CDC42EP1: variants seen among roughly 807,000 people sequenced by gnomAD.
CDC42EP1 encodes the protein CDC42 effector protein 1.
Under a neutral mutation model 7.4 loss-of-function variants are expected in CDC42EP1, and 6 were observed. That is an observed-to-expected ratio of 0.81 (90% CI 0.44 to 1.60). CDC42EP1 has a LOEUF of 1.60. CDC42EP1 is among the 40% of genes most tolerant of loss of function. The pLI is 0.01. For synonymous variants in CDC42EP1, 238 were observed against 227.1 expected (o/e 1.05, Z -0.43); for missense variants, 567 against 539.0 (o/e 1.05, Z -0.51).
At chr22:37,562,383 T>C (rs1413333200) in intron 1 of CDC42EP1, among the ~76,000 whole-genome samples, 3 of 152,200 alleles carry the variant, frequency 2.0e-5, no homozygotes, top group Non-Finnish European at 2.9e-5. Context: ...GCACACCTGA[T>C]GGCCAGCAGT....
intron 2 of CDC42EP1, 62 bp from the exon 3 acceptor site, chr22:37,568,046 T>C: frequency 7.0e-7 from 1 of 1,426,156 alleles, no homozygotes; most frequent in South Asian, 1.3e-5. Flanking sequence ...TGGTCCTGTC[T>C]CCCCTCCTGA....
Position 37,568,072 on chromosome 22 carries a change from C to A in CDC42EP1, c.464-36C>A, listed in dbSNP as rs767922622. 2.8e-5 allele frequency: 43 copies of A among 1,557,954 alleles called. 2 individuals carry two copies. The South Asian group carries it at 5.1e-4, about 19-fold the overall frequency. Reference sequence around the variant, plus strand: ...CCCCTCCTGAATTCCTGGTGAGGGACCCCAGCTCTGAGCCCACTGCCCATT... The same window carrying A: ...CCCCTCCTGAATTCCTGGTGAGGGAACCCAGCTCTGAGCCCACTGCCCATT... On this transcript the variant is annotated intron_variant, in intron 2 of 2. Coordinates refer to ENST00000249014, the MANE Select transcript of CDC42EP1 (RefSeq NM_152243.3).
At position 37,566,469 on chromosome 22, in the gene CDC42EP1, C is replaced by G. The variant is rs775782167; in HGVS notation, c.120C>G (p.His40Gln). 2.0e-5 allele frequency: 33 copies of G among 1,613,100 alleles called. No homozygotes were observed. The highest frequency in any genetic ancestry group is 2.8e-5 in the Non-Finnish European group (33 of 1,179,652). The change falls in exon 2 of 3, where the codon CAC (histidine) becomes CAG (glutamine). Residue 40 changes from histidine to glutamine, a missense_variant. Transcript: ENST00000249014. This position sits in a 1 kb window ranked among gnomAD's most constrained non-coding sequence, Gnocchi z 6.4. ...GGCTGACTGCAGACATGATCAGCCA[C>G]CCACTCGGGGACTTCCGCCACACCA... ...KRRLTADMIS[H>Q]PLGDFRHTMH...
chr22:37,560,598 C>T lies in CDC42EP1; in HGVS notation c.-279+10C>T, dbSNP rs1327122135. ...GGGCTCGCGGAGCCAGGTAACAGCC[C>T]GGGCGCGCGGGTCCTCGGGGCGGAG... On this transcript the variant is annotated intron_variant, in intron 1 of 2. Transcript: ENST00000249014. 1 of 150,490 alleles carries T rather than the reference C, an allele frequency of 6.6e-6. No homozygotes were observed. Among genetic ancestry groups the T allele is most frequent in the African/African-American group, 2.4e-5 (1 of 41,172 alleles). The allele number at this position is 150,490 out of a possible 1,614,324, so 9.3% of individuals were successfully genotyped here. A position where few individuals can be genotyped will look rare whatever the true frequency, so the allele number is the denominator to read the frequency against.
chr22:37,568,959 A>AGGTGGTCAGTTTGGCAGGGCCTCT lies in CDC42EP1; in HGVS notation c.*141_*142insTGGTCAGTTTGGCAGGGCCTCTGG. ...CCCACCTCTGCAGGACAGACATGGG[A>AGGTGGTCAGTTTGGCAGGGCCTCT]GGGAGGACAGGGAAGGCCAGGCTTG... On this transcript the variant is annotated 3_prime_UTR_variant, in exon 3 of 3. Transcript: ENST00000249014. The AGGTGGTCAGTTTGGCAGGGCCTCT allele has an allele frequency of 1.9e-6, 1 of 518,046 alleles. No homozygotes were observed. Among genetic ancestry groups the AGGTGGTCAGTTTGGCAGGGCCTCT allele is most frequent in the Non-Finnish European group, 3.2e-6 (1 of 316,806 alleles). 32.1% of individuals were successfully genotyped at this position (518,046 alleles called of 1,614,324 possible).
At position 37,566,560 on chromosome 22, in the gene CDC42EP1, T is replaced by C; in HGVS notation, c.211T>C (p.Ser71Pro). 6.2e-7 allele frequency: 1 copy of C among 1,607,244 alleles called. No homozygotes were observed. The highest frequency in any genetic ancestry group is 8.5e-7 in the Non-Finnish European group (1 of 1,175,150). ...CTTCCTCAGCAACCACGGTGGCAGC[T>C]CCGGGAGCACCCATCGCTCACCCCG... ...TSFLSNHGGS[S>P]GSTHRSPRSF... The change falls in exon 2 of 3, where the codon TCC becomes CCC. Residue 71 changes from serine to proline, a missense_variant. Coordinates refer to ENST00000249014, the MANE Select transcript of CDC42EP1 (RefSeq NM_152243.3). This position sits in a 1 kb window ranked among gnomAD's most constrained non-coding sequence, Gnocchi z 6.4.
intron 2 of CDC42EP1, 140 bp from the exon 3 acceptor site, chr22:37,567,968 G>A: frequency 1.4e-6 from 1 of 698,204 alleles, no homozygotes; most frequent in Non-Finnish European, 2.5e-6. Flanking sequence ...GTATTCTATT[G>A]GAAAGATGGG....
At position 37,566,394 on chromosome 22, in the gene CDC42EP1, G is replaced by A. The variant is rs369640551; in HGVS notation, c.45G>A (p.Leu15=). 1.3e-6 allele frequency: 2 copies of A among 1,584,698 alleles called. No homozygotes were observed. The highest frequency in any genetic ancestry group is 1.7e-6 in the Non-Finnish European group (2 of 1,163,364). Reference sequence around the variant, plus strand: ...GCAGAGGCGCCGCCACCATGAGCCTGGGCAAGCTCTCGCCTGTGGGCTGGG... The same window carrying A: ...GCAGAGGCGCCGCCACCATGAGCCTAGGCAAGCTCTCGCCTGTGGGCTGGG... ...QGGRGAATMS[L]GKLSPVGWVS... Residue 15 remains leucine, a synonymous_variant, in exon 2 of 3, where the codon CTG becomes CTA. Coordinates refer to ENST00000249014, the MANE Select transcript of CDC42EP1 (RefSeq NM_152243.3). This position sits in a 1 kb window ranked among gnomAD's most constrained non-coding sequence, Gnocchi z 6.4.
At chr22:37,561,028 C>T (rs1266807779) in intron 1 of CDC42EP1, among the ~76,000 whole-genome samples, 3 of 152,086 alleles carry the variant, frequency 2.0e-5, no homozygotes, top group Non-Finnish European at 2.9e-5. Flanking sequence ...TGGACAGGCA[C>T]CCTGCCCCCC....
chr22:37,565,070 G>T (rs1023031792), intron 1 of CDC42EP1, among the ~76,000 whole-genome samples: 3 of 152,070 alleles, frequency 2.0e-5, no homozygotes, highest in African/African-American at 4.8e-5. Context: ...GAGCCACCGC[G>T]CCCAGCCCCT....
chr22:37,568,401 CCAGCGCCTGCTGCAAACCCCT>C lies in CDC42EP1; in HGVS notation c.762_782del (p.Asn258_Ala264del), dbSNP rs66468174. ...CCCCCCAGCCACTACTGCAAACCCC[CCAGCGCCTGCTGCAAACCCCT>C]CAGCACCTGCCGCAACCCCCACGGG... is the stretch of plus-strand genomic sequence containing the variant. On this transcript the variant is annotated inframe_deletion, in exon 3 of 3. Transcript: ENST00000249014. 0.55 allele frequency: 850,633 copies of C among 1,549,556 alleles called. 248,392 individuals carry two copies. The highest frequency in any genetic ancestry group is 0.58 in the Non-Finnish European group (660,328 of 1,129,310).
chr22:37,566,765 G>A lies in CDC42EP1; in HGVS notation c.416G>A (p.Ser139Asn). ...GACAGCCTCGTGGTTGGCAAGCTCA[G>A]CTTCGACAGCAGCCCCACCAGCTCC... ...AYDSLVVGKL[S>N]FDSSPTSSTD... Residue 139 changes from serine (S) to asparagine (N), a missense_variant, in exon 2 of 3, where the codon AGC becomes AAC. Transcript: ENST00000249014. This position sits in a 1 kb window ranked among gnomAD's most constrained non-coding sequence, Gnocchi z 6.4. The A allele has an allele frequency of 1.3e-6, 2 of 1,591,598 alleles. No individual in the cohort carries two copies. The highest frequency in any genetic ancestry group is 1.1e-5 in the South Asian group (1 of 87,990).
At position 37,569,298 on chromosome 22, in the gene CDC42EP1, C is replaced by G. The variant is rs1378689323; in HGVS notation, c.*478C>G. On this transcript the variant is annotated 3_prime_UTR_variant, in exon 3 of 3. Coordinates refer to ENST00000249014, the MANE Select transcript of CDC42EP1 (RefSeq NM_152243.3). ...CCCCAACATCCCCGCCCCAGCCTCCCTCTTACCCCAGAAAGGTCAGGTATG... is the reference window on the plus strand; with the variant it reads ...CCCCAACATCCCCGCCCCAGCCTCCGTCTTACCCCAGAAAGGTCAGGTATG... 2 of 154,218 alleles carry G rather than the reference C, an allele frequency of 1.3e-5. No individual in the cohort carries two copies. Among genetic ancestry groups the G allele is most frequent in the East Asian group, 3.8e-4 (2 of 5,224 alleles). 9.6% of individuals were successfully genotyped at this position (154,218 alleles called of 1,614,324 possible).
chr22:37,568,685 C>T lies in CDC42EP1; in HGVS notation c.1041C>T (p.Ala347=). The change falls in exon 3 of 3, where the codon GCC becomes GCT. Residue 347 remains alanine, a synonymous_variant. Transcript: ENST00000249014. ...RQERVEVLPQ[A]RASWESLDEE... ...AGCGGGTGGAGGTGCTGCCCCAAGC[C>T]CGGGCCTCCTGGGAGAGCCTGGACG... 6.5e-7 allele frequency: 1 copy of T among 1,545,626 alleles called. No individual in the cohort carries two copies. Among genetic ancestry groups the T allele is most frequent in the Non-Finnish European group, 8.7e-7 (1 of 1,145,340 alleles).
chr22:37,561,965 A>T (rs1925057339), intron 1 of CDC42EP1, among the ~76,000 whole-genome samples: 1 of 152,232 alleles, frequency 6.6e-6, no homozygotes, highest in African/African-American at 2.4e-5. Context: ...GAGTGAGCTC[A>T]GGCCATGTGC....
chr22:37,566,607 G>A lies in CDC42EP1; in HGVS notation c.258G>A (p.Leu86=), dbSNP rs772224448. 3.1e-6 allele frequency: 5 copies of A among 1,597,754 alleles called. No homozygotes were observed. Among genetic ancestry groups the A allele is most frequent in the Non-Finnish European group, 4.3e-6 (5 of 1,169,076 alleles). ...CCCGCAGCTTCCTGGCCAAGAAGCT[G>A]CAGCTGGTGCGGAGGGTGGGGGCGC... is the stretch of plus-strand genomic sequence containing the variant. ...RSPRSFLAKK[L]QLVRRVGAPP... Residue 86 remains leucine, a synonymous_variant, in exon 2 of 3, where the codon CTG becomes CTA. Coordinates refer to ENST00000249014, the MANE Select transcript of CDC42EP1 (RefSeq NM_152243.3). The surrounding 1 kb of genome is among the most constrained non-coding windows in gnomAD (Gnocchi z 6.4).
chr22:37,568,419 C>T lies in CDC42EP1; in HGVS notation c.775C>T (p.Pro259Ser). 1 of 356,184 alleles carries T rather than the reference C, an allele frequency of 2.8e-6. No homozygotes were observed. Among genetic ancestry groups the T allele is most frequent in the African/African-American group, 2.0e-5 (1 of 49,126 alleles). 22.1% of individuals were successfully genotyped at this position (356,184 alleles called of 1,614,324 possible). A position where few individuals can be genotyped will look rare whatever the true frequency, so the allele number is the denominator to read the frequency against. ...TANPPAPAAN[P>S]SAPAATPTGP... is the part of the protein sequence containing the mutation. Reference sequence around the variant, plus strand: ...AAACCCCCCAGCGCCTGCTGCAAACCCCTCAGCACCTGCCGCAACCCCCAC... The same window carrying T: ...AAACCCCCCAGCGCCTGCTGCAAACTCCTCAGCACCTGCCGCAACCCCCAC... The change falls in exon 3 of 3, where the codon CCC becomes TCC. Residue 259 changes from proline to serine, a missense_variant. Transcript: ENST00000249014.
At chr22:37,565,333 A>G (rs1925192036) in intron 1 of CDC42EP1, among the ~76,000 whole-genome samples, 1 of 151,690 alleles carries the variant, frequency 6.6e-6, no homozygotes, top group Non-Finnish European at 1.5e-5. Context: ...GACCACAGGC[A>G]TACACCACCA....
chr22:37,562,997 T>TGAG (rs533023902), intron 1 of CDC42EP1, among the ~76,000 whole-genome samples: 23 of 152,132 alleles, frequency 1.5e-4, no homozygotes, highest in African/African-American at 5.3e-4. Flanking sequence ...TAGTCCCAGC[T>TGAG]ACTCAGGAGG....
Sources: allele counts gnomAD v4.1 joint callset (sites outside exome capture counted in the v4.1 genomes callset), GRCh38; gene constraint gnomAD v4.1.1; non-coding constraint Gnocchi (gnomAD v3.1); transcripts MANE v1.5; gene names NCBI Gene and HGNC (gene_info 2026-07-23, HGNC 2026-07-21).